ABCC9: variants seen among roughly 807,000 people sequenced by gnomAD.
ABCC9 encodes ATP-binding cassette sub-family C member 9.
A neutral mutation model predicts 188.3 loss-of-function variants in ABCC9; 95 were observed. The observed-to-expected ratio is 0.50, with a 90% CI of 0.43 to 0.60. ABCC9 has a LOEUF of 0.60. Among genes scored for constraint, ABCC9 ranks in the 20% least tolerant of loss-of-function variants. The pLI is 0.00. For synonymous variants in ABCC9, 659 were observed against 652.7 expected (o/e 1.01, Z -0.15); for missense variants, 1,102 against 1,876.3 (o/e 0.59, Z 7.62).
At chr12:21,848,374 A>G in intron 24 of ABCC9, 128 bp from the exon 25 acceptor site, 1 of 782,824 alleles carries the variant, frequency 1.3e-6, no homozygotes, top group Non-Finnish European at 2.2e-6. Flanking sequence ...CTCACTCTGG[A>G]GATCCACAAC....
chr12:21,919,480 GTAGA>G (rs1324297577), intron 5 of ABCC9, among the ~76,000 whole-genome samples: 1 of 151,700 alleles, frequency 6.6e-6, no homozygotes, highest in Non-Finnish European at 1.5e-5. Flanking sequence ...ATAAAAAGAA[GTAGA>G]TACTCTGAAA....
intron 14 of ABCC9, among the ~76,000 whole-genome samples, chr12:21,892,723 G>A (rs151102318): frequency 6.6e-6 from 1 of 152,172 alleles, no homozygotes; most frequent in African/African-American, 2.4e-5. Flanking sequence ...TTTATAAGAT[G>A]ATTTATATGC....
intron 12 of ABCC9, among the ~76,000 whole-genome samples, chr12:21,902,619 T>C (rs368931819): frequency 6.6e-6 from 1 of 152,082 alleles, no homozygotes; most frequent in Non-Finnish European, 1.5e-5. Context: ...ATATCACCAC[T>C]GATCCCACAG....
intron 31 of ABCC9, chr12:21,827,368 A>G (rs1943440665): frequency 2.1e-6 from 2 of 948,754 alleles, no homozygotes; most frequent in Non-Finnish European, 2.5e-6. Context: ...CAAGGCAAAT[A>G]TGCTTGCCCC....
intron 14 of ABCC9, among the ~76,000 whole-genome samples, chr12:21,892,397 G>A (rs1161693105): frequency 6.6e-6 from 1 of 152,162 alleles, no homozygotes; most frequent in Non-Finnish European, 1.5e-5. Context: ...AAATAAAAGT[G>A]TAACCATGAA....
chr12:21,822,321 T>A (rs1943087627), intron 31 of ABCC9, among the ~76,000 whole-genome samples: 1 of 152,070 alleles, frequency 6.6e-6, no homozygotes, highest in African/African-American at 2.4e-5. Flanking sequence ...AACTGTTTTT[T>A]TTTTTTCTAA....
At chr12:21,937,848 A>G (rs113868776) in intron 2 of ABCC9, among the ~76,000 whole-genome samples, 1 of 152,266 alleles carries the variant, frequency 6.6e-6, no homozygotes, top group African/African-American at 2.4e-5. Flanking sequence ...TTTCCACCGT[A>G]TTACACAACC....
At position 21,934,523 on chromosome 12, in the gene ABCC9, C is replaced by T. The variant is rs550891513; in HGVS notation, c.143-600G>A. Among the ~76,000 whole-genome samples the T allele has an allele frequency of 3.9e-5, 6 of 152,042 alleles. No homozygotes were observed. The East Asian group carries it at 9.7e-4, about 25-fold the overall frequency. ...AAGCTCAAAACCATTATAGGTCCAC[C>T]GTTAGCTTGCCACTGAAGAAAAAAA... On this transcript the variant is annotated intron_variant, in intron 3 of 39. Transcript: ENST00000261200.
intron 7 of ABCC9, among the ~76,000 whole-genome samples, chr12:21,915,082 G>A (rs1387690603): frequency 6.6e-6 from 1 of 151,406 alleles, no homozygotes; most frequent in Non-Finnish European, 1.5e-5. Context: ...TGTATTTTTA[G>A]TAAAGATGGG....
chr12:21,860,298 A>G (rs998516427), intron 21 of ABCC9, among the ~76,000 whole-genome samples: 7 of 152,228 alleles, frequency 4.6e-5, no homozygotes, highest in Non-Finnish European at 1.0e-4. Context: ...AGCCATTAAG[A>G]ACAAAGGCCA....
chr12:21,802,402 C>CACAAG (rs71053346), intron 39 of ABCC9, among the ~76,000 whole-genome samples: 24,658 of 151,894 alleles, frequency 0.16, 2,419 homozygotes, highest in Middle Eastern at 0.33. Flanking sequence ...TAATGGGAGC[C>CACAAG]ACAAGTAATT....
chr12:21,875,570 A>G lies in ABCC9; in HGVS notation c.2092+84T>C, dbSNP rs1946299266. The G allele has an allele frequency of 4.9e-6, 5 of 1,010,406 alleles. No individual in the cohort carries two copies. The African/African-American group carries it at 8.1e-5, about 16-fold the overall frequency. 62.6% of individuals were successfully genotyped at this position (1,010,406 alleles called of 1,614,324 possible). A position where few individuals can be genotyped will look rare whatever the true frequency, so the allele number is the denominator to read the frequency against. On this transcript the variant is annotated intron_variant, in intron 17 of 39. Transcript: ENST00000261200. The stretch of plus-strand genomic sequence containing the variant: ...AATAATATTTATGTCTTTAAAAAGT[A>G]TCTTTTTGTTAGGCTCAATTATCTT...
chr12:21,825,100 C>T (rs955727560), intron 31 of ABCC9, among the ~76,000 whole-genome samples: 1 of 152,186 alleles, frequency 6.6e-6, no homozygotes, highest in African/African-American at 2.4e-5. Context: ...GAGATACCAT[C>T]TTATGCCAGT....
intron 16 of ABCC9, among the ~76,000 whole-genome samples, chr12:21,881,489 T>C (rs1453826270): frequency 6.6e-6 from 1 of 152,138 alleles, no homozygotes; most frequent in Non-Finnish European, 1.5e-5. Flanking sequence ...AGAAAATTAA[T>C]GAAACACATG....
intron 12 of ABCC9, 87 bp from the exon 13 acceptor site, chr12:21,895,402 C>G (rs1260211289): frequency 5.1e-5 from 61 of 1,196,022 alleles, no homozygotes; most frequent in South Asian, 4.2e-4. Flanking sequence ...CTTTAACTTT[C>G]TTTGAAGACA....
rs1031284050 is a variant in ABCC9 at position 21,809,898 on chromosome 12, T to A, written c.4269A>T (p.Glu1423Asp). ...CTDDRLWEALEIAQLKNMVKS... is the reference protein window; with the variant it reads ...CTDDRLWEALDIAQLKNMVKS... The stretch of plus-strand genomic sequence containing the variant: ...TGACCATATTCTTCAGCTGAGCAAT[T>A]TCTAAGGCTTCCCAGAGTCTGTCAT... The change falls in exon 37 of 40, where the codon GAA (glutamate) becomes GAT (aspartate). Residue 1423 changes from glutamate (E) to aspartate (D), a missense_variant. Around this residue, in one of 12 missense-constraint regions of ABCC9, gnomAD observed 67 missense variants for 101.0 expected, o/e 0.66. Coordinates refer to ENST00000261200, the MANE Select transcript of ABCC9 (RefSeq NM_020297.4). The A allele has an allele frequency of 3.1e-6, 5 of 1,612,796 alleles. No homozygotes were observed. The highest frequency in any genetic ancestry group is 2.2e-5 in the East Asian group (1 of 44,826).
chr12:21,918,450 A>G (rs1592233622), intron 5 of ABCC9, among the ~76,000 whole-genome samples: 4 of 152,192 alleles, frequency 2.6e-5, no homozygotes, highest in Admixed American at 2.6e-4. Context: ...CCAGAAAACA[A>G]AGAGAAATGA....
chr12:21,801,176 T>G lies in ABCC9; in HGVS notation c.4518A>C (p.Arg1506=). Residue 1506 remains arginine, a synonymous_variant, in exon 40 of 40, where the codon CGA becomes CGC. Coordinates refer to ENST00000261200, the MANE Select transcript of ABCC9 (RefSeq NM_020297.4). The part of the protein sequence containing the change: ...ADRTVVTIAH[R]VHTILTADLV... ...GGTCTGCCGTCAGAATAGTGTGTAC[T>G]CGATGCTGTGAGTGAAAAGAAAACA... is the stretch of plus-strand genomic sequence containing the variant. The G allele has an allele frequency of 6.2e-7, 1 of 1,613,924 alleles. No homozygotes were observed. The highest frequency in any genetic ancestry group is 8.5e-7 in the Non-Finnish European group (1 of 1,179,916).
chr12:21,922,563 G>A (rs1195857740), intron 5 of ABCC9, among the ~76,000 whole-genome samples: 1 of 151,788 alleles, frequency 6.6e-6, no homozygotes, highest in Non-Finnish European at 1.5e-5. Context: ...AATACTTGAA[G>A]TAAAGTTAAC....
Sources: gnomAD v4.1 joint callset for allele counts (sites outside exome capture counted in the v4.1 genomes callset) on GRCh38, gnomAD v4.1.1 for gene constraint, gnomAD v4.1.1 regional missense constraint, MANE v1.5 for transcripts, NCBI Gene and HGNC (gene_info 2026-07-23, HGNC 2026-07-21) for gene names.